The following WWC2 variants were observed in gnomAD, a reference collection of about 807,000 sequenced individuals.
WWC2 encodes protein WWC2.
Under a neutral mutation model 138.5 loss-of-function variants are expected in WWC2, and 101 were observed. That is an observed-to-expected ratio of 0.73 (90% CI 0.62 to 0.86). WWC2 has a LOEUF of 0.86. Ranked by LOEUF, WWC2 falls within the 40% of genes least tolerant of loss-of-function variation. The pLI, the probability that WWC2 is intolerant of heterozygous loss-of-function variation, is 0.00. For missense variants in WWC2, 1,420 were observed against 1,419.4 expected (o/e 1.00, Z -0.01); for synonymous variants, 558 against 538.4 (o/e 1.04, Z -0.50).
At chr4:183,241,439 G>A (rs1354036506) in intron 5 of WWC2, among the ~76,000 whole-genome samples, 1 of 152,210 alleles carries the variant, frequency 6.6e-6, no homozygotes, top group Non-Finnish European at 1.5e-5. Flanking sequence ...TTGACCACCA[G>A]TCAGACGCAT....
At chr4:183,175,223 A>G (rs943685016) in intron 1 of WWC2, among the ~76,000 whole-genome samples, 1 of 152,312 alleles carries the variant, frequency 6.6e-6, no homozygotes, top group South Asian at 2.1e-4. Context: ...GACATCTAGC[A>G]TAAATTATAT....
chr4:183,271,020 T>C (rs1350599277), intron 15 of WWC2, 60 bp from the exon 16 acceptor site: 2 of 1,390,960 alleles, frequency 1.4e-6, no homozygotes, highest in Non-Finnish European at 1.9e-6. Context: ...CAAATACTAA[T>C]TTAAACATTT....
At chr4:183,310,069 A>T (rs1739158570) in intron 21 of WWC2, among the ~76,000 whole-genome samples, 1 of 152,234 alleles carries the variant, frequency 6.6e-6, no homozygotes, top group Admixed American at 6.5e-5. Context: ...AGGGAGGAAT[A>T]GGCAGAGCAC....
At chr4:183,304,284 A>T (rs1228390177) in intron 21 of WWC2, among the ~76,000 whole-genome samples, 1 of 152,150 alleles carries the variant, frequency 6.6e-6, no homozygotes, top group African/African-American at 2.4e-5. Context: ...GGGGTAAGAA[A>T]ACCTAAACTG....
At chr4:183,297,335 G>A (rs1169693545) in intron 21 of WWC2, among the ~76,000 whole-genome samples, 2 of 151,826 alleles carry the variant, frequency 1.3e-5, no homozygotes, top group African/African-American at 4.8e-5. Flanking sequence ...AAATTAGTTT[G>A]CATACCAAGA....
At chr4:183,269,286 T>A (rs1472439256) in intron 15 of WWC2, 123 bp downstream of exon 15, 1 of 925,662 alleles carries the variant, frequency 1.1e-6, no homozygotes, top group Non-Finnish European at 1.7e-6. Flanking sequence ...CATCTTGGGA[T>A]ACATCTAGTG....
intron 11 of WWC2, among the ~76,000 whole-genome samples, chr4:183,263,914 G>T (rs567410495): frequency 1.3e-5 from 2 of 152,128 alleles, no homozygotes. Context: ...TCCCTTTTAC[G>T]TAAACTTTGC....
At chr4:183,190,966 T>C (rs1186982845) in intron 1 of WWC2, among the ~76,000 whole-genome samples, 1 of 152,240 alleles carries the variant, frequency 6.6e-6, no homozygotes, top group East Asian at 1.9e-4. Flanking sequence ...CTTTTGGCAC[T>C]TAAACTTACC....
chr4:183,284,359 C>A lies in WWC2; in HGVS notation c.3017C>A (p.Ser1006Tyr). The change falls in exon 19 of 23, where the codon TCT (serine) becomes TAT (tyrosine). Residue 1006 changes from serine to tyrosine, a missense_variant. Physicochemically the swap from Ser to Tyr is moderately radical, Grantham distance 144. Transcript: ENST00000403733. ...SSVIVRSQTF[S>Y]PGERNQYICR... ...GTGATAGTGCGCTCACAGACCTTTT[C>A]TCCAGGAGAGCGGAACCAGTACATC... is the stretch of plus-strand genomic sequence containing the variant. The A allele has an allele frequency of 6.2e-7, 1 of 1,613,524 alleles. No individual in the cohort carries two copies. Among genetic ancestry groups the A allele is most frequent in the Non-Finnish European group, 8.5e-7 (1 of 1,179,856 alleles).
intron 1 of WWC2, among the ~76,000 whole-genome samples, chr4:183,156,422 C>G (rs1733807325): frequency 6.7e-6 from 1 of 148,918 alleles, no homozygotes; most frequent in South Asian, 2.1e-4. Context: ...GCCTCCACTT[C>G]CTGGGTTCAA....
At chr4:183,108,441 C>G (rs989599864) in intron 1 of WWC2, among the ~76,000 whole-genome samples, 22 of 152,100 alleles carry the variant, frequency 1.4e-4, no homozygotes, top group African/African-American at 5.1e-4. Context: ...CCCTCAAAAC[C>G]GTCAAGATCC....
intron 9 of WWC2, 59 bp downstream of exon 9, chr4:183,254,058 T>G: frequency 6.4e-7 from 1 of 1,567,668 alleles, no homozygotes; most frequent in Non-Finnish European, 8.6e-7. Flanking sequence ...CTTAACTGGA[T>G]ACTATTTTCC....
chr4:183,194,226 A>G (rs1735069224), intron 2 of WWC2, among the ~76,000 whole-genome samples: 1 of 152,118 alleles, frequency 6.6e-6, no homozygotes, highest in Non-Finnish European at 1.5e-5. Context: ...GGAAGGGAAA[A>G]ACCTCTCATT....
chr4:183,209,106 TTCTCA>T, intron 4 of WWC2, 81 bp downstream of exon 4: 2 of 959,900 alleles, frequency 2.1e-6, no homozygotes, highest in Non-Finnish European at 3.2e-6. Context: ...TAGTGATCAG[TTCTCA>T]TCTCCATTTG....
At chr4:183,147,574 C>G (rs1561436015) in intron 1 of WWC2, among the ~76,000 whole-genome samples, 1 of 152,234 alleles carries the variant, frequency 6.6e-6, no homozygotes, top group Non-Finnish European at 1.5e-5. Flanking sequence ...AGATCTGTCA[C>G]TGGTAAAACC....
intron 4 of WWC2, among the ~76,000 whole-genome samples, chr4:183,209,934 A>T (rs1426943964): frequency 6.6e-6 from 1 of 152,222 alleles, no homozygotes; most frequent in Non-Finnish European, 1.5e-5. Context: ...AGGTGGTACT[A>T]GCCTCATGAG....
At position 183,318,766 on chromosome 4, in the gene WWC2, C is replaced by T. The variant is rs925602243; in HGVS notation, c.*3037C>T. On this transcript the variant is annotated 3_prime_UTR_variant, in exon 23 of 23. Transcript: ENST00000403733. Reference sequence around the variant, plus strand: ...GGCTCCAGAATATGTGCTCTGTGGTCGCTGCGCCTGGGCTGGCAGTGTGCT... The same window carrying T: ...GGCTCCAGAATATGTGCTCTGTGGTTGCTGCGCCTGGGCTGGCAGTGTGCT... 3 of 152,138 alleles carry T rather than the reference C, an allele frequency of 2.0e-5. No individual in the cohort carries two copies. Among genetic ancestry groups the T allele is most frequent in the South Asian group, 4.1e-4 (2 of 4,824 alleles). The allele number at this position is 152,138 out of a possible 1,614,324, so 9.4% of individuals were successfully genotyped here. A position where few individuals can be genotyped will look rare whatever the true frequency, so the allele number is the denominator to read the frequency against.
At chr4:183,114,407 G>A (rs995707445) in intron 1 of WWC2, among the ~76,000 whole-genome samples, 1 of 152,100 alleles carries the variant, frequency 6.6e-6, no homozygotes, top group African/African-American at 2.4e-5. Flanking sequence ...GAAATACAAG[G>A]TGTGAGACCC....
At chr4:183,188,608 A>C (rs565782209) in intron 1 of WWC2, among the ~76,000 whole-genome samples, 4 of 132,620 alleles carry the variant, frequency 3.0e-5, no homozygotes, top group East Asian at 2.1e-4. Context: ...CTCTCTCTCT[A>C]TCTAATATGA....
Sources: gnomAD v4.1 joint callset for allele counts (sites outside exome capture counted in the v4.1 genomes callset) on GRCh38, gnomAD v4.1.1 for gene constraint, MANE v1.5 for transcripts, NCBI Gene and HGNC (gene_info 2026-07-23, HGNC 2026-07-21) for gene names.